The following JCAD variants were observed in gnomAD, a reference collection of about 807,000 sequenced individuals.
JCAD encodes the protein junctional cadherin 5-associated protein.
A neutral mutation model predicts 98.0 loss-of-function variants in JCAD; 40 were observed. The observed-to-expected ratio is 0.41, with a 90% CI of 0.32 to 0.53. JCAD has a LOEUF of 0.53. Among genes scored for constraint, JCAD ranks in the 20% least tolerant of loss-of-function variants. The pLI, the probability that JCAD is intolerant of heterozygous loss-of-function variation, is 0.31. For synonymous variants in JCAD, 691 were observed against 682.3 expected (o/e 1.01, Z -0.20); for missense variants, 1,705 against 1,738.1 (o/e 0.98, Z 0.34).
At chr10:30,084,693 T>G (rs1205991801) in intron 1 of JCAD, among the ~76,000 whole-genome samples, 1 of 152,216 alleles carries the variant, frequency 6.6e-6, no homozygotes, top group Non-Finnish European at 1.5e-5. Context: ...TCAGCTCTCC[T>G]GGGTCTTAGG....
chr10:30,101,142 G>T (rs1371953514), intron 1 of JCAD, among the ~76,000 whole-genome samples: 1 of 152,202 alleles, frequency 6.6e-6, no homozygotes, highest in African/African-American at 2.4e-5. Flanking sequence ...GGGTGCGATG[G>T]CTCATGCCTG....
intron 3 of JCAD, among the ~76,000 whole-genome samples, chr10:30,019,144 T>A (rs1191281920): frequency 6.6e-6 from 1 of 151,720 alleles, no homozygotes; most frequent in African/African-American, 2.4e-5. Flanking sequence ...TCACCTGAGG[T>A]TGGGAGTTCA....
rs778616423 is a variant in JCAD, at chr10:30,027,443, G to A, written c.2705C>T (p.Pro902Leu). The A allele has an allele frequency of 1.2e-6, 2 of 1,604,590 alleles. No homozygotes were observed. The highest frequency in any genetic ancestry group is 1.7e-6 in the Non-Finnish European group (2 of 1,179,984). Residue 902 changes from proline to leucine, a missense_variant, in exon 3 of 4, where the codon CCT becomes CTT. Pro to Leu is a moderately conservative substitution (Grantham distance 98). This residue lies in a region of JCAD where 1,278 missense variants were observed against 1,243.1 expected (regional missense o/e 1.03). Coordinates refer to ENST00000375377, the MANE Select transcript of JCAD (RefSeq NM_020848.4). ...PQPRMWVPES[P>L]VCRSGRGESK... is the part of the protein sequence containing the mutation. ...CTCACCTCTTCCCGACCTACACACA[G>A]GGCTCTCCGGCACCCACATCCTCGG...
rs1403555298 is a variant in JCAD, at chr10:30,028,097, T to C, written c.2051A>G (p.His684Arg). ...ELKHSGSWPG[H>R]RYRDQQTQTS... ...TTGTGTTTGCTGATCTCTGTACCGGTGCCCTGGCCAAGAGCCAGAATGCTT... is the reference window on the plus strand; with the variant it reads ...TTGTGTTTGCTGATCTCTGTACCGGCGCCCTGGCCAAGAGCCAGAATGCTT... The change falls in exon 3 of 4, where the codon CAC becomes CGC. Residue 684 changes from histidine (H) to arginine (R), a missense_variant. Physicochemically the swap from His to Arg is conservative, Grantham distance 29. Coordinates refer to ENST00000375377, the MANE Select transcript of JCAD (RefSeq NM_020848.4). 1.2e-6 allele frequency: 2 copies of C among 1,614,250 alleles called. No individual in the cohort carries two copies. Among genetic ancestry groups the C allele is most frequent in the Non-Finnish European group, 1.7e-6 (2 of 1,180,046 alleles).
In JCAD at chr10:30,047,745, C is replaced by T. The variant is rs1358421026; in HGVS notation, c.68G>A (p.Arg23His). Residue 23 changes from arginine (R) to histidine (H), a missense_variant, in exon 2 of 4, where the codon CGC (arginine) becomes CAC (histidine). Arg to His is a conservative substitution (Grantham distance 29). Transcript: ENST00000375377. ...YKLSRDPPAS[R>H]EDNPKGRQAA... ...CTGGCGCCCCTTGGGGTTATCCTCGCGTGATGCTGGGGGGTCTCTTGACAG... is the reference window on the plus strand; with the variant it reads ...CTGGCGCCCCTTGGGGTTATCCTCGTGTGATGCTGGGGGGTCTCTTGACAG... 6 of 1,614,082 alleles carry T rather than the reference C, an allele frequency of 3.7e-6. No individual in the cohort carries two copies. The highest frequency in any genetic ancestry group is 2.7e-5 in the African/African-American group (2 of 74,946).
chr10:30,095,592 A>G (rs919896622), intron 1 of JCAD, among the ~76,000 whole-genome samples: 2 of 152,178 alleles, frequency 1.3e-5, no homozygotes, highest in Non-Finnish European at 2.9e-5. Context: ...TTTGCACTTC[A>G]TGTATCTGAG....
At chr10:30,044,821 CA>C in intron 2 of JCAD, 1 of 963,336 alleles carries the variant, frequency 1.0e-6, no homozygotes, top group Non-Finnish European at 1.2e-6. Context: ...CTCTATTGGG[CA>C]CCTAAAAAAA....
chr10:30,095,835 C>T (rs1838358783), intron 1 of JCAD, among the ~76,000 whole-genome samples: 1 of 152,178 alleles, frequency 6.6e-6, no homozygotes, highest in South Asian at 2.1e-4. Context: ...GTACTTCACT[C>T]CTGGAGCAGT....
intron 3 of JCAD, among the ~76,000 whole-genome samples, chr10:30,021,895 G>A (rs766771734): frequency 4.6e-5 from 7 of 152,214 alleles, no homozygotes; most frequent in Non-Finnish European, 1.0e-4. Flanking sequence ...CCTCAGAGAT[G>A]TGCTAACATC....
chr10:30,073,673 CCTTCCTTG>C (rs1303716741), intron 1 of JCAD, among the ~76,000 whole-genome samples: 8 of 70,096 alleles, frequency 1.1e-4, no homozygotes, highest in African/African-American at 2.3e-4. Context: ...TTCCTTCCTT[CCTTCCTTG>C]CTTCCTTCCT....
chr10:30,092,284 G>T (rs567984343), intron 1 of JCAD, among the ~76,000 whole-genome samples: 1 of 151,004 alleles, frequency 6.6e-6, no homozygotes, highest in East Asian at 2.0e-4. Flanking sequence ...CCAGTGAGTC[G>T]CTGTGCACCG....
chr10:30,034,555 C>T (rs1837074044), intron 2 of JCAD, among the ~76,000 whole-genome samples: 1 of 152,104 alleles, frequency 6.6e-6, no homozygotes, highest in African/African-American at 2.4e-5. Context: ...TGGTCAGGTT[C>T]GACACAGATT....
chr10:30,063,350 T>A (rs771228166), upstream of JCAD, among the ~76,000 whole-genome samples: 1 of 151,950 alleles, frequency 6.6e-6, no homozygotes, highest in Non-Finnish European at 1.5e-5. Flanking sequence ...GATTATTGAG[T>A]CATTGGGCAG....
intron 1 of JCAD, among the ~76,000 whole-genome samples, chr10:30,098,938 G>T (rs1455528031): frequency 6.6e-6 from 1 of 152,092 alleles, no homozygotes; most frequent in East Asian, 1.9e-4. Context: ...ACTCGCCTTG[G>T]TTTTTTCAGT....
At chr10:30,068,585 A>G (rs568799454) in intron 2 of JCAD, among the ~76,000 whole-genome samples, 15 of 152,288 alleles carry the variant, frequency 9.8e-5, no homozygotes, top group African/African-American at 3.6e-4. Flanking sequence ...AATACCTGGT[A>G]GAAGACACTG....
chr10:30,043,018 C>A (rs1433832148), intron 2 of JCAD, among the ~76,000 whole-genome samples: 1 of 152,244 alleles, frequency 6.6e-6, no homozygotes, highest in Non-Finnish European at 1.5e-5. Flanking sequence ...TTACTGTCTA[C>A]TCATCAATTT....
chr10:30,060,251 T>A (rs1159319672), upstream of JCAD, among the ~76,000 whole-genome samples: 5 of 152,156 alleles, frequency 3.3e-5, no homozygotes, highest in African/African-American at 1.2e-4. Context: ...CACCTTCAGA[T>A]CAGCTGGCCC....
At chr10:30,080,014 A>C (rs1351977159) in intron 1 of JCAD, among the ~76,000 whole-genome samples, 3 of 152,104 alleles carry the variant, frequency 2.0e-5, no homozygotes, top group Non-Finnish European at 4.4e-5. Flanking sequence ...CAGAAAAAAA[A>C]CTCCTATAAG....
intron 1 of JCAD, among the ~76,000 whole-genome samples, chr10:30,082,808 A>G (rs944081545): frequency 6.8e-6 from 1 of 146,288 alleles, no homozygotes; most frequent in Non-Finnish European, 1.5e-5. Flanking sequence ...CCAAGATCAC[A>G]CCATTGTACT....
Sources: allele counts gnomAD v4.1 joint callset (sites outside exome capture counted in the v4.1 genomes callset), GRCh38; gene constraint gnomAD v4.1.1; regional missense constraint gnomAD v4.1.1; transcripts MANE v1.5; gene names NCBI Gene and HGNC (gene_info 2026-07-23, HGNC 2026-07-21).